LDHA: variants seen among roughly 807,000 people sequenced by gnomAD.
LDHA encodes the protein L-lactate dehydrogenase A chain.
Under a neutral mutation model 36.3 loss-of-function variants are expected in LDHA, and 10 were observed. The ratio of observed to expected loss-of-function variants is 0.28; its 90% CI spans 0.17 to 0.47. The LOEUF (loss-of-function observed/expected upper bound fraction) is 0.47. Among genes scored for constraint, LDHA ranks in the 20% least tolerant of loss-of-function variants. LDHA has a pLI of 0.99. For synonymous variants in LDHA, 110 were observed against 136.7 expected, an observed-to-expected ratio of 0.80 and a Z score of 1.36; for missense variants, 267 against 405.8, an observed-to-expected ratio of 0.66 and a Z score of 2.94.
chr11:18,402,803 G>A, intron 4 of LDHA, 37 bp from the exon 5 acceptor site: 2 of 1,516,606 alleles, frequency 1.3e-6, no homozygotes, highest in Non-Finnish European at 1.8e-6. Context: ...TGTAGGGAGA[G>A]GATAATGGGT....
intron 4 of LDHA, among the ~76,000 whole-genome samples, chr11:18,402,250 CG>C (rs1186302461): frequency 1.3e-5 from 2 of 151,470 alleles, no homozygotes; most frequent in Non-Finnish European, 1.5e-5. Context: ...CCACCGTGCC[CG>C]GGCCCATAAT....
chr11:18,399,418 T>G lies in LDHA; in HGVS notation c.127-13T>G. On this transcript the variant is annotated splice_polypyrimidine_tract_variant and intron_variant, in intron 2 of 7. Transcript: ENST00000422447. Reference sequence around the variant, plus strand: ...GCAATTTTCCATTTAACTAAAGATTTGATGTCTTTTAGGACTTGGCAGATG... The same window carrying G: ...GCAATTTTCCATTTAACTAAAGATTGGATGTCTTTTAGGACTTGGCAGATG... 1 of 1,571,196 alleles carries G rather than the reference T, an allele frequency of 6.4e-7. No individual in the cohort carries two copies. Among genetic ancestry groups the G allele is most frequent in the African/African-American group, 1.3e-5 (1 of 74,146 alleles).
intron 4 of LDHA, chr11:18,402,439 G>T: frequency 3.9e-6 from 1 of 258,220 alleles, no homozygotes; most frequent in Non-Finnish European, 7.6e-6. Context: ...GACTACAGGC[G>T]TGCACCAATA....
chr11:18,401,294 C>T (rs556468670), intron 4 of LDHA, among the ~76,000 whole-genome samples: 180 of 149,812 alleles, frequency 1.2e-3, no homozygotes, highest in African/African-American at 4.2e-3. Context: ...GGATTATAAG[C>T]GCCTGCCACC....
At chr11:18,396,596 C>A in intron 1 of LDHA, 1 of 1,380,272 alleles carries the variant, frequency 7.2e-7, no homozygotes, top group Non-Finnish European at 9.3e-7. Context: ...GTCGATATTC[C>A]TTTTCCACGC....
chr11:18,401,911 C>T (rs1373753169), intron 4 of LDHA, among the ~76,000 whole-genome samples: 1 of 147,680 alleles, frequency 6.8e-6, no homozygotes, highest in Non-Finnish European at 1.5e-5. Flanking sequence ...ATTACCTGCC[C>T]AAGATCTTGG....
chr11:18,401,477 T>TTTTTC (rs1866496520), intron 4 of LDHA, among the ~76,000 whole-genome samples: 1 of 88,010 alleles, frequency 1.1e-5, no homozygotes, highest in Non-Finnish European at 2.3e-5. Flanking sequence ...ATTTTTCTTT[T>TTTTTC]TTTTTTTTTT....
At chr11:18,395,736 C>A (rs1357441109) in intron 1 of LDHA, among the ~76,000 whole-genome samples, 1 of 152,204 alleles carries the variant, frequency 6.6e-6, no homozygotes, top group Non-Finnish European at 1.5e-5. Flanking sequence ...GAATGCAGTG[C>A]AGGGTTGGAT....
rs1462472725 is a variant in LDHA at position 18,394,609 on chromosome 11, C to T, written c.-52C>T. On this transcript the variant is annotated 5_prime_UTR_variant, in exon 1 of 8. Transcript: ENST00000422447. ...ATTCCGGATCTCATTGCCACGCGCC[C>T]CCGACGACCGCCCGACGTGCATTCC... is the stretch of plus-strand genomic sequence containing the variant. The T allele has an allele frequency of 4.4e-6, 2 of 454,138 alleles. No homozygotes were observed. Among genetic ancestry groups the T allele is most frequent in the Non-Finnish European group, 8.8e-6 (2 of 226,800 alleles). The allele number at this position is 454,138 out of a possible 1,614,324, so 28.1% of individuals were successfully genotyped here. A position where few individuals can be genotyped will look rare whatever the true frequency, so the allele number is the denominator to read the frequency against.
At chr11:18,403,871 G>T in intron 6 of LDHA, 60 bp downstream of exon 6, 2 of 996,872 alleles carry the variant, frequency 2.0e-6, no homozygotes, top group Non-Finnish European at 3.2e-6. Flanking sequence ...TTATTTAAAA[G>T]GTTAAAATTG....
chr11:18,407,408 A>T lies in LDHA; in HGVS notation c.*127A>T. The T allele has an allele frequency of 6.4e-7, 1 of 1,558,428 alleles. No homozygotes were observed. Among genetic ancestry groups the T allele is most frequent in the Non-Finnish European group, 8.7e-7 (1 of 1,145,750 alleles). ...AATATTTTAAGATGGACTGGGAAAAACATCAACTCCTGAAGTTAGAAATAA... is the reference window on the plus strand; with the variant it reads ...AATATTTTAAGATGGACTGGGAAAATCATCAACTCCTGAAGTTAGAAATAA... On this transcript the variant is annotated 3_prime_UTR_variant, in exon 8 of 8. Coordinates refer to ENST00000422447, the MANE Select transcript of LDHA (RefSeq NM_005566.4).
intron 6 of LDHA, among the ~76,000 whole-genome samples, chr11:18,404,963 T>C (rs1866631890): frequency 6.6e-6 from 1 of 152,216 alleles, no homozygotes; most frequent in South Asian, 2.1e-4. Flanking sequence ...CATTGTTGAA[T>C]CAGAATTTAG....
intron 1 of LDHA, chr11:18,396,531 G>C (rs916664027): frequency 3.8e-5 from 51 of 1,327,112 alleles, no homozygotes; most frequent in Admixed American, 2.6e-4. Flanking sequence ...AGCCCCACTT[G>C]GGGTTAATAA....
intron 1 of LDHA, chr11:18,395,421 C>CTA (rs1866261640): frequency 7.2e-6 from 1 of 138,762 alleles, no homozygotes; most frequent in Non-Finnish European, 1.6e-5. Flanking sequence ...TCTCTCGCCT[C>CTA]TAGACGCACC....
In LDHA at chr11:18,403,810, AG is replaced by A. The variant is rs757369409; in HGVS notation, c.710+1del. ...WKEVHKQVVE[S>X]AYEVIKLKGY... ...AGAGGTTCACAAGCAGGTGGTTGAG[AG>A]GTAATAAATCTTTCAATTTGGCAAC... On this transcript the variant is annotated frameshift_variant and splice_region_variant, in exon 6 of 8. Coordinates refer to ENST00000422447, the MANE Select transcript of LDHA (RefSeq NM_005566.4). LOFTEE classifies it high-confidence loss of function. 7 of 1,511,356 alleles carry A rather than the reference AG, an allele frequency of 4.6e-6. No individual in the cohort carries two copies. In the Admixed American group the frequency reaches 1.0e-4, roughly 22 times the overall value. 93.6% of individuals were successfully genotyped at this position (1,511,356 alleles called of 1,614,324 possible). A position where few individuals can be genotyped will look rare whatever the true frequency, so the allele number is the denominator to read the frequency against.
chr11:18,407,436 A>G lies in LDHA; in HGVS notation c.*155A>G, dbSNP rs1866733438. 6.9e-7 allele frequency: 1 copy of G among 1,458,364 alleles called. No homozygotes were observed. The highest frequency in any genetic ancestry group is 9.4e-7 in the Non-Finnish European group (1 of 1,062,626). 90.3% of individuals were successfully genotyped at this position (1,458,364 alleles called of 1,614,324 possible). A position where few individuals can be genotyped will look rare whatever the true frequency, so the allele number is the denominator to read the frequency against. On this transcript the variant is annotated 3_prime_UTR_variant, in exon 8 of 8. Transcript: ENST00000422447. ...TCAACTCCTGAAGTTAGAAATAAGA[A>G]TGGTTTGTAAAATCCACAGCTATAT...
rs1266403734 is a variant in LDHA at position 18,407,548 on chromosome 11, G to A, written c.*267G>A. 2.7e-6 allele frequency: 2 copies of A among 728,154 alleles called. No homozygotes were observed. Among genetic ancestry groups the A allele is most frequent in the Admixed American group, 2.0e-5 (1 of 49,812 alleles). The allele number at this position is 728,154 out of a possible 1,614,324, so 45.1% of individuals were successfully genotyped here. ...CCACCTCTGACGCACCACTGCCAAT[G>A]CTGTACGTACTGCATTTGCCCCTTG... On this transcript the variant is annotated 3_prime_UTR_variant, in exon 8 of 8. Transcript: ENST00000422447.
chr11:18,404,446 G>A (rs1287800553), intron 6 of LDHA, among the ~76,000 whole-genome samples: 2 of 151,950 alleles, frequency 1.3e-5, no homozygotes, highest in African/African-American at 4.8e-5. Flanking sequence ...ATTGAAATAG[G>A]GAAGCTTTCA....
In LDHA at chr11:18,405,497, ACT is replaced by A. The variant is rs779893062; in HGVS notation, c.764_765del (p.Ser255CysfsTer13). On this transcript the variant is annotated frameshift_variant, in exon 7 of 8. Coordinates refer to ENST00000422447, the MANE Select transcript of LDHA (RefSeq NM_005566.4). LOFTEE classifies it high-confidence loss of function. ...AAGGCTACACATCCTGGGCTATTGG[ACT>A]CTCTGTAGCAGATTTGGCAGAGAGT... is the stretch of plus-strand genomic sequence containing the variant. ...LKGYTSWAIGLSVADLAESIM... is the reference protein window; with the variant it reads ...LKGYTSWAIGXSVADLAESIM... 1 of 1,613,450 alleles carries A rather than the reference ACT, an allele frequency of 6.2e-7. No individual in the cohort carries two copies. Among genetic ancestry groups the A allele is most frequent in the South Asian group, 1.1e-5 (1 of 91,054 alleles).
Sources: gnomAD v4.1 joint callset for allele counts (sites outside exome capture counted in the v4.1 genomes callset) on GRCh38, gnomAD v4.1.1 for gene constraint, MANE v1.5 for transcripts, NCBI Gene and HGNC (gene_info 2026-07-23, HGNC 2026-07-21) for gene names.